PLCE1: variants seen among roughly 807,000 people sequenced by gnomAD.
PLCE1 encodes the protein phospholipase C epsilon 1.
Under a neutral mutation model 242.8 loss-of-function variants are expected in PLCE1, and 119 were observed. The ratio of observed to expected loss-of-function variants is 0.49; its 90% CI spans 0.42 to 0.57. PLCE1 has a LOEUF of 0.57. PLCE1 is among the 20% of genes least tolerant of loss of function. The pLI, the probability that PLCE1 is intolerant of heterozygous loss-of-function variation, is 0.00. For missense variants in PLCE1, 2,441 were observed against 2,788.8 expected (o/e 0.88, Z 2.81); for synonymous variants, 945 against 1,017.4 (o/e 0.93, Z 1.35).
At chr10:94,006,524 T>G (rs1475753501) in intron 1 of PLCE1, among the ~76,000 whole-genome samples, 6 of 152,212 alleles carry the variant, frequency 3.9e-5, no homozygotes, top group African/African-American at 1.4e-4. Context: ...TTTCAAAGTC[T>G]CTAAAATTTG....
At chr10:94,200,031 T>C (rs748437119) in intron 4 of PLCE1, among the ~76,000 whole-genome samples, 19 of 152,224 alleles carry the variant, frequency 1.2e-4, no homozygotes, top group African/African-American at 2.2e-4. Context: ...AGCCAAACGT[T>C]ACCTCCTTAA....
intron 1 of PLCE1, among the ~76,000 whole-genome samples, chr10:94,026,379 A>T (rs1376637631): frequency 6.6e-6 from 1 of 152,030 alleles, no homozygotes; most frequent in Non-Finnish European, 1.5e-5. Flanking sequence ...TAGCCCACAC[A>T]ACCTTTGACC....
chr10:94,285,457 CAT>C (rs751538373), intron 22 of PLCE1, among the ~76,000 whole-genome samples: 81 of 152,144 alleles, frequency 5.3e-4, no homozygotes, highest in Non-Finnish European at 8.7e-4. Context: ...TTTATTGACT[CAT>C]GTGCTTAAAA....
At chr10:94,016,974 C>G (rs12358395) in intron 1 of PLCE1, among the ~76,000 whole-genome samples, 1 of 152,142 alleles carries the variant, frequency 6.6e-6, no homozygotes. Flanking sequence ...GCTTCCTATG[C>G]TTAGTCAAGT....
intron 2 of PLCE1, among the ~76,000 whole-genome samples, chr10:94,040,689 C>T (rs1456483296): frequency 6.6e-6 from 1 of 152,118 alleles, no homozygotes; most frequent in Non-Finnish European, 1.5e-5. Flanking sequence ...GGTACAAGGG[C>T]CTAAGAGAGT....
At chr10:94,088,059 C>T (rs1168955524) in intron 2 of PLCE1, 1 of 152,230 alleles carries the variant, frequency 6.6e-6, no homozygotes, top group Non-Finnish European at 1.5e-5. Context: ...GTGTAGCTCA[C>T]AAAGCTGGCA....
At chr10:94,191,293 G>T (rs576623994) in intron 4 of PLCE1, among the ~76,000 whole-genome samples, 1 of 152,060 alleles carries the variant, frequency 6.6e-6, no homozygotes, top group Non-Finnish European at 1.5e-5. Context: ...CACTAGAGCA[G>T]AGAGGACCCC....
At chr10:94,163,253 G>C (rs1202339568) in intron 3 of PLCE1, among the ~76,000 whole-genome samples, 4 of 152,148 alleles carry the variant, frequency 2.6e-5, no homozygotes, top group Non-Finnish European at 5.9e-5. Flanking sequence ...GTTGACAGTG[G>C]GGTGTTAAAG....
intron 2 of PLCE1, among the ~76,000 whole-genome samples, chr10:94,101,149 G>T (rs1010939243): frequency 7.9e-5 from 12 of 152,254 alleles, no homozygotes; most frequent in Admixed American, 6.5e-4. Flanking sequence ...AGGAAATGGG[G>T]CATGAGACAG....
intron 7 of PLCE1, among the ~76,000 whole-genome samples, chr10:94,239,644 A>T (rs919781589): frequency 6.6e-6 from 1 of 152,172 alleles, no homozygotes; most frequent in African/African-American, 2.4e-5. Context: ...ATCCTCAGTC[A>T]TCCTCCTCTC....
At chr10:94,269,422 C>T (rs1440020568) in intron 17 of PLCE1, among the ~76,000 whole-genome samples, 1 of 151,948 alleles carries the variant, frequency 6.6e-6, no homozygotes, top group Non-Finnish European at 1.5e-5. Flanking sequence ...TTATTTAAAT[C>T]AGTGACTTGA....
chr10:94,220,374 T>TTTTATATATA (rs2049685446), intron 4 of PLCE1, among the ~76,000 whole-genome samples: 8 of 38,396 alleles, frequency 2.1e-4, no homozygotes, highest in Non-Finnish European at 3.4e-4. Flanking sequence ...AAACTAAACA[T>TTTTATATATA]TTTATATATA....
chr10:94,014,332 A>T (rs2061233335), intron 1 of PLCE1, among the ~76,000 whole-genome samples: 2 of 151,804 alleles, frequency 1.3e-5, no homozygotes, highest in African/African-American at 4.8e-5. Context: ...GGTCAGGTGG[A>T]GTGGCTCAAG....
rs1589433482 is a variant in PLCE1, at chr10:94,259,205, G to A, written c.3814+55G>A. 5 of 1,560,776 alleles carry A rather than the reference G, an allele frequency of 3.2e-6. No homozygotes were observed. In the East Asian group the frequency reaches 6.7e-5, roughly 21 times the overall value. On this transcript the variant is annotated intron_variant, in intron 13 of 32. Coordinates refer to ENST00000371380, the MANE Select transcript of PLCE1 (RefSeq NM_016341.4). ...GGGATCAATCTGTCTAAAACTTAAG[G>A]TCAGAGGTCCAGTCACACAAACTCT...
chr10:94,118,431 C>T (rs1377271052), intron 2 of PLCE1, among the ~76,000 whole-genome samples: 2 of 106,000 alleles, frequency 1.9e-5, no homozygotes, highest in Non-Finnish European at 4.4e-5. Flanking sequence ...GCTCTGTGTC[C>T]CCACCCAAAT....
intron 16 of PLCE1, among the ~76,000 whole-genome samples, chr10:94,268,059 A>G (rs1354051835): frequency 1.3e-5 from 2 of 152,134 alleles, no homozygotes; most frequent in Non-Finnish European, 2.9e-5. Context: ...GTATGTAATA[A>G]TTTTTTAAGA....
Position 94,265,634 on chromosome 10 carries a change from T to TA in PLCE1, c.4054-11dup. ...TTAACCTAAATAACACTTTTTTTTTTAATCCCTTGCAGAAGTTCGAGCCTA... is the reference window on the plus strand; with the variant it reads ...TTAACCTAAATAACACTTTTTTTTTTAAATCCCTTGCAGAAGTTCGAGCCTA... On this transcript the variant is annotated splice_polypyrimidine_tract_variant and intron_variant, in intron 14 of 32. Transcript: ENST00000371380. The TA allele has an allele frequency of 6.2e-7, 1 of 1,609,902 alleles. No homozygotes were observed. The highest frequency in any genetic ancestry group is 8.5e-7 in the Non-Finnish European group (1 of 1,176,486).
chr10:94,046,074 T>A (rs891453071), intron 2 of PLCE1, among the ~76,000 whole-genome samples: 2 of 152,240 alleles, frequency 1.3e-5, no homozygotes, highest in Non-Finnish European at 2.9e-5. Context: ...TTCATTTCTT[T>A]AAGAAACTGG....
At chr10:94,224,174 C>T (rs1416785583) in intron 4 of PLCE1, among the ~76,000 whole-genome samples, 1 of 152,018 alleles carries the variant, frequency 6.6e-6, no homozygotes, top group African/African-American at 2.4e-5. Flanking sequence ...TCTCAACAAC[C>T]AGGGCCCTGG....
Sources: allele counts gnomAD v4.1 joint callset (sites outside exome capture counted in the v4.1 genomes callset), GRCh38; gene constraint gnomAD v4.1.1; transcripts MANE v1.5; gene names NCBI Gene and HGNC (gene_info 2026-07-23, HGNC 2026-07-21).